The following MED23 variants were observed in gnomAD, a reference collection of about 807,000 sequenced individuals.
The protein encoded by MED23 is mediator of RNA polymerase II transcription subunit 23.
In MED23, 105 loss-of-function variants were observed where a neutral mutation model predicts 163.9. The observed-to-expected ratio is 0.64, with a 90% CI of 0.55 to 0.75. The LOEUF is 0.75. MED23 is among the 30% of genes least tolerant of loss of function. The pLI, the probability that MED23 is intolerant of heterozygous loss-of-function variation, is 0.00. For missense variants in MED23, 1,054 were observed against 1,649.0 expected (o/e 0.64, Z 6.25); for synonymous variants, 561 against 565.6 (o/e 0.99, Z 0.12).
chr6:131,616,035 G>A, intron 9 of MED23, 33 bp from the exon 10 acceptor site: 1 of 1,510,792 alleles, frequency 6.6e-7, no homozygotes, highest in Non-Finnish European at 9.2e-7. Context: ...ATTGCTTCAA[G>A]ATCAATGTCA....
Position 131,590,421 on chromosome 6 carries a change from A to G in MED23, c.3708T>C (p.Leu1236=), listed in dbSNP as rs1365742992. The stretch of plus-strand genomic sequence containing the variant: ...ACTGGAATTCGGTCTTCACTATAGG[A>G]AGAAGTACTTCAGTAAGAAACCTAA... ...LIPKFLTEVL[L]PIVKTEFQLL... The change falls in exon 27 of 29, where the codon CTT becomes CTC. Residue 1236 remains leucine, a synonymous_variant. Coordinates refer to ENST00000368068, the MANE Select transcript of MED23 (RefSeq NM_004830.4). 1 of 1,605,784 alleles carries G rather than the reference A, an allele frequency of 6.2e-7. No homozygotes were observed. Among genetic ancestry groups the G allele is most frequent in the Admixed American group, 1.7e-5 (1 of 59,972 alleles).
chr6:131,606,063 G>C (rs1003294460), intron 13 of MED23, among the ~76,000 whole-genome samples: 1 of 152,054 alleles, frequency 6.6e-6, no homozygotes, highest in African/African-American at 2.4e-5. Context: ...ATATTAAGGG[G>C]CATGCCAGCC....
intron 4 of MED23, among the ~76,000 whole-genome samples, chr6:131,623,830 A>G (rs989211408): frequency 6.6e-6 from 1 of 152,130 alleles, no homozygotes; most frequent in African/African-American, 2.4e-5. Context: ...TTTATAAGTT[A>G]CCCAGTCTCG....
intron 7 of MED23, 76 bp downstream of exon 7, chr6:131,620,552 T>C: frequency 7.5e-6 from 7 of 927,262 alleles, no homozygotes; most frequent in Non-Finnish European, 1.1e-5. Context: ...CTTCCCACCT[T>C]TGCCTCCCAA....
chr6:131,625,575 C>T (rs1040053204), intron 3 of MED23, among the ~76,000 whole-genome samples: 1 of 152,224 alleles, frequency 6.6e-6, no homozygotes, highest in Admixed American at 6.5e-5. Flanking sequence ...CTCTCCACAA[C>T]CACTGTTCTC....
chr6:131,610,523 G>A (rs925867090), intron 10 of MED23, among the ~76,000 whole-genome samples: 6 of 152,038 alleles, frequency 3.9e-5, no homozygotes, highest in Admixed American at 3.9e-4. Flanking sequence ...TTTGACAAAG[G>A]GCAATGCATA....
chr6:131,615,240 C>T lies in MED23; in HGVS notation c.876+667G>A, dbSNP rs1041380763. On this transcript the variant is annotated intron_variant, in intron 10 of 28. Coordinates refer to ENST00000368068, the MANE Select transcript of MED23 (RefSeq NM_004830.4). Reference sequence around the variant, plus strand: ...CTGCCAATTTCAAGCCCCGACCATACACGTATTCTCTAAATGGAATCAGTG... The same window carrying T: ...CTGCCAATTTCAAGCCCCGACCATATACGTATTCTCTAAATGGAATCAGTG... 4.6e-6 allele frequency: 7 copies of T among 1,507,952 alleles called. No individual in the cohort carries two copies. The South Asian group carries it at 7.9e-5, about 17-fold the overall frequency. 93.4% of individuals were successfully genotyped at this position (1,507,952 alleles called of 1,614,324 possible).
intron 1 of MED23, 129 bp downstream of exon 1, chr6:131,627,882 C>T: frequency 1.6e-6 from 2 of 1,255,500 alleles, no homozygotes; most frequent in Admixed American, 1.7e-5. Flanking sequence ...CATACAACCT[C>T]GGTGTCAAAA....
chr6:131,603,129 C>T lies in MED23; in HGVS notation c.1832G>A (p.Arg611Gln), dbSNP rs370667926. 1.7e-5 allele frequency: 27 copies of T among 1,613,738 alleles called. No individual in the cohort carries two copies. The highest frequency in any genetic ancestry group is 2.2e-5 in the Non-Finnish European group (26 of 1,179,866). Residue 611 changes from arginine to glutamine, a missense_variant, in exon 16 of 29, where the codon CGG becomes CAG. By Grantham distance (43) the Arg-to-Gln change is conservative (BLOSUM62 1). Coordinates refer to ENST00000368068, the MANE Select transcript of MED23 (RefSeq NM_004830.4). ...LHTLLEMFSY[R>Q]MHHIQPHYRV... is the part of the protein sequence containing the mutation. Reference sequence around the variant, plus strand: ...GTAATGAGGCTGAATATGATGCATCCGGTAGCTAAACATCTCAAGGAGTGT... The same window carrying T: ...GTAATGAGGCTGAATATGATGCATCTGGTAGCTAAACATCTCAAGGAGTGT...
chr6:131,608,141 G>GT (rs1239033172), intron 11 of MED23, 70 bp from the exon 12 acceptor site: 42 of 1,556,014 alleles, frequency 2.7e-5, no homozygotes, highest in African/African-American at 6.3e-5. Context: ...AGTTTTTGTT[G>GT]TTTTTTTGTT....
rs1332738799 is a variant in MED23, at chr6:131,619,892, AG to A, written c.601del (p.Gly202GlufsTer3). The A allele has an allele frequency of 6.2e-7, 1 of 1,607,584 alleles. No individual in the cohort carries two copies. Among genetic ancestry groups the A allele is most frequent in the Non-Finnish European group, 8.5e-7 (1 of 1,174,866 alleles). On this transcript the variant is annotated frameshift_variant, in exon 8 of 29. Transcript: ENST00000368068. LOFTEE classifies it high-confidence loss of function. Reference protein sequence around the residue: ...YPEGKLPHWLLGNLVSDFVDT... With the variant: ...YPEGKLPHWLXGNLVSDFVDT... ...CACAAAGTCTGATACTAGGTTTCCA[AG>A]TAACTAAAGAGAGAAAGAAAGAGGG... is the stretch of plus-strand genomic sequence containing the variant.
Position 131,587,579 on chromosome 6 carries a change from C to T in MED23, c.*100G>A, listed in dbSNP as rs1774260052. 1 of 1,582,540 alleles carries T rather than the reference C, an allele frequency of 6.3e-7. No homozygotes were observed. The highest frequency in any genetic ancestry group is 2.3e-5 in the East Asian group (1 of 43,958). On this transcript the variant is annotated 3_prime_UTR_variant, in exon 29 of 29. Coordinates refer to ENST00000368068, the MANE Select transcript of MED23 (RefSeq NM_004830.4). ...AACAATCTGAATATCATCACTGCTT[C>T]TACTATATCACTACAGTGTGATCGC... is the stretch of plus-strand genomic sequence containing the variant.
rs754375354 is a variant in MED23, at chr6:131,627,429, C to T, written c.126G>A (p.Gly42=). Residue 42 remains glycine, a synonymous_variant, in exon 3 of 29, where the codon GGG becomes GGA. Transcript: ENST00000368068. ...GACCACCCCAAAACTGTCTGAAGGC[C>T]CCCAAACAGCTAATTAGTTTTGTTT... ...DEKTKLISCL[G]AFRQFWGGLS... is the part of the protein sequence containing the mutation. 2.5e-6 allele frequency: 4 copies of T among 1,613,092 alleles called. No homozygotes were observed. Among genetic ancestry groups the T allele is most frequent in the Non-Finnish European group, 3.4e-6 (4 of 1,179,860 alleles).
At chr6:131,574,733 C>G (rs1028541444) in intron 30 of MED23, among the ~76,000 whole-genome samples, 1 of 152,126 alleles carries the variant, frequency 6.6e-6, no homozygotes, top group Non-Finnish European at 1.5e-5. Flanking sequence ...GGGCAGATGA[C>G]TAAAATGTTG....
intron 3 of MED23, 37 bp downstream of exon 3, chr6:131,627,359 A>T: frequency 6.6e-7 from 1 of 1,521,796 alleles, no homozygotes; most frequent in East Asian, 2.3e-5. Flanking sequence ...AGAGGCCAAA[A>T]ATCATCAGCT....
chr6:131,593,179 C>T lies in MED23; in HGVS notation c.3233-8G>A, dbSNP rs766654257. On this transcript the variant is annotated splice_polypyrimidine_tract_variant and splice_region_variant and intron_variant, in intron 23 of 28. Coordinates refer to ENST00000368068, the MANE Select transcript of MED23 (RefSeq NM_004830.4). ...GAGATTTGCCAGCCATCGGTGCACA[C>T]AGTTAAAGCAATAACAATTGGACTA... is the stretch of plus-strand genomic sequence containing the variant. 22 of 1,613,956 alleles carry T rather than the reference C, an allele frequency of 1.4e-5. No homozygotes were observed. The African/African-American group carries it at 2.7e-4, about 20-fold the overall frequency.
intron 10 of MED23, among the ~76,000 whole-genome samples, chr6:131,610,728 C>T (rs1487166059): frequency 6.6e-6 from 1 of 152,100 alleles, no homozygotes; most frequent in African/African-American, 2.4e-5. Context: ...TATAAGTTTA[C>T]ACTAACTTTA....
At chr6:131,574,730 T>C (rs545839721) in intron 30 of MED23, among the ~76,000 whole-genome samples, 1 of 152,296 alleles carries the variant, frequency 6.6e-6, no homozygotes, top group Non-Finnish European at 1.5e-5. Flanking sequence ...AGAGGGCAGA[T>C]GACTAAAATG....
chr6:131,582,482 T>C, downstream of MED23: 1 of 719,204 alleles, frequency 1.4e-6, no homozygotes, highest in Non-Finnish European at 2.4e-6. Flanking sequence ...TTCTTAATTG[T>C]GTATTATTTT....
Sources: gnomAD v4.1 joint callset for allele counts (sites outside exome capture counted in the v4.1 genomes callset) on GRCh38, gnomAD v4.1.1 for gene constraint, MANE v1.5 for transcripts, NCBI Gene and HGNC (gene_info 2026-07-23, HGNC 2026-07-21) for gene names.